Variants in ABCC1 observed in about 807,000 individuals in gnomAD.
ABCC1 encodes multidrug resistance-associated protein 1.
ABCC1 carries 83 observed loss-of-function variants against 172.9 expected under a neutral mutation model. That is an observed-to-expected ratio of 0.48 (90% CI 0.40 to 0.58). The LOEUF is 0.58. ABCC1 is among the 20% of genes least tolerant of loss of function. ABCC1 has a pLI of 0.00. For missense variants in ABCC1, 1,817 were observed against 2,002.7 expected, an observed-to-expected ratio of 0.91 and a Z score of 1.77; for synonymous variants, 937 against 825.2, an observed-to-expected ratio of 1.14 and a Z score of -2.32.
At chr16:15,995,800 TG>T (rs1269227121) in intron 1 of ABCC1, among the ~76,000 whole-genome samples, 1 of 152,042 alleles carries the variant, frequency 6.6e-6, no homozygotes, top group Non-Finnish European at 1.5e-5. Flanking sequence ...CTGGAGTAGC[TG>T]GGACTAAAGG....
chr16:16,136,433 G>A (rs212087), intron 28 of ABCC1, 45 bp from the exon 29 acceptor site: 647,416 of 1,601,180 alleles, frequency 0.4, 133,964 homozygotes, highest in Non-Finnish European at 0.43. Flanking sequence ...CCATGTCAGC[G>A]TGACACAGGT....
At chr16:16,098,352 C>G (rs1172638338) in intron 19 of ABCC1, 1 of 180,244 alleles carries the variant, frequency 5.5e-6, no homozygotes, top group Non-Finnish European at 1.2e-5. Flanking sequence ...GGCATGGTGG[C>G]TCACGCCTGT....
At chr16:16,111,703 GAAA>G in intron 22 of ABCC1, 121 bp downstream of exon 22, 1 of 844,556 alleles carries the variant, frequency 1.2e-6, no homozygotes, top group Admixed American at 2.6e-5. Context: ...GCCAAACCCA[GAAA>G]AATGGTAGCT....
chr16:16,071,378 T>A (rs2050342572), intron 13 of ABCC1, among the ~76,000 whole-genome samples: 1 of 151,996 alleles, frequency 6.6e-6, no homozygotes, highest in Admixed American at 6.6e-5. Context: ...GATTACAGGT[T>A]TGAGCTACCG....
chr16:16,136,277 G>A (rs892365378), intron 28 of ABCC1, among the ~76,000 whole-genome samples: 2 of 152,078 alleles, frequency 1.3e-5, no homozygotes, highest in African/African-American at 4.8e-5. Flanking sequence ...ACTCGCCTCG[G>A]CCTGCCAAAG....
chr16:16,089,797 C>T (rs1330986780), intron 18 of ABCC1, among the ~76,000 whole-genome samples: 1 of 150,784 alleles, frequency 6.6e-6, no homozygotes, highest in Non-Finnish European at 1.5e-5. Context: ...ACGGGAATTG[C>T]TTGAACCCGG....
chr16:16,132,551 T>C (rs1196850535), intron 27 of ABCC1, among the ~76,000 whole-genome samples: 1 of 133,516 alleles, frequency 7.5e-6, no homozygotes, highest in Non-Finnish European at 1.6e-5. Flanking sequence ...AGATGGAGTC[T>C]TACTCTGTTG....
At chr16:15,959,238 G>T (rs1369082090) in intron 1 of ABCC1, among the ~76,000 whole-genome samples, 1 of 152,226 alleles carries the variant, frequency 6.6e-6, no homozygotes, top group Non-Finnish European at 1.5e-5. Flanking sequence ...ACTGAGGGCT[G>T]TGTCTTTTTA....
chr16:15,955,567 C>A (rs759381210), intron 1 of ABCC1, among the ~76,000 whole-genome samples: 1 of 152,156 alleles, frequency 6.6e-6, no homozygotes, highest in Non-Finnish European at 1.5e-5. Context: ...TTCTGTCTCA[C>A]TCTCCTCCAG....
chr16:16,133,535 C>T (rs2045791080), intron 27 of ABCC1, among the ~76,000 whole-genome samples: 1 of 152,146 alleles, frequency 6.6e-6, no homozygotes, highest in African/African-American at 2.4e-5. Flanking sequence ...TCCCGAGTAT[C>T]TGGGACTACA....
chr16:16,023,123 A>C (rs1399484036), intron 5 of ABCC1, among the ~76,000 whole-genome samples: 2 of 152,136 alleles, frequency 1.3e-5, no homozygotes, highest in Non-Finnish European at 2.9e-5. Context: ...TATGTTGCCC[A>C]GTCTGGTCTT....
intron 1 of ABCC1, among the ~76,000 whole-genome samples, chr16:15,997,390 C>T (rs938597649): frequency 1.3e-5 from 2 of 152,190 alleles, no homozygotes; most frequent in Non-Finnish European, 2.9e-5. Flanking sequence ...CGCGCCCAGC[C>T]GACTTGCGCT....
At chr16:16,115,946 A>C (rs1449334214) in intron 23 of ABCC1, among the ~76,000 whole-genome samples, 1 of 150,954 alleles carries the variant, frequency 6.6e-6, no homozygotes, top group Non-Finnish European at 1.5e-5. Context: ...TCTGTCGCCC[A>C]GGCTGGAGTG....
intron 30 of ABCC1, among the ~76,000 whole-genome samples, chr16:16,139,088 G>A (rs1045598885): frequency 6.6e-5 from 10 of 152,184 alleles, no homozygotes; most frequent in African/African-American, 2.2e-4. Context: ...TGGGGACTCT[G>A]TAGGCTGCTG....
intron 1 of ABCC1, among the ~76,000 whole-genome samples, chr16:16,000,392 G>A (rs1048266113): frequency 2.6e-5 from 4 of 151,832 alleles, no homozygotes; most frequent in Non-Finnish European, 5.9e-5. Flanking sequence ...TGATCCACCC[G>A]TGTCGGCCTC....
At chr16:16,011,038 A>G (rs2047757976) in intron 3 of ABCC1, among the ~76,000 whole-genome samples, 1 of 152,206 alleles carries the variant, frequency 6.6e-6, no homozygotes, top group African/African-American at 2.4e-5. Flanking sequence ...ATTTGAGACC[A>G]GTATAGCCAA....
intron 22 of ABCC1, 28 bp from the exon 23 acceptor site, chr16:16,114,738 G>A (rs767623684): frequency 1.9e-6 from 3 of 1,562,672 alleles, no homozygotes; most frequent in Non-Finnish European, 2.6e-6. Context: ...TCTCTGCATT[G>A]TGGAGTTTTA....
chr16:16,021,621 G>A (rs1316973225), intron 5 of ABCC1, among the ~76,000 whole-genome samples: 2 of 152,166 alleles, frequency 1.3e-5, no homozygotes, highest in Non-Finnish European at 2.9e-5. Flanking sequence ...GGAGGCAGAG[G>A]CAGGAGAATT....
intron 9 of ABCC1, among the ~76,000 whole-genome samples, chr16:16,047,781 C>A (rs2049273001): frequency 6.6e-6 from 1 of 151,978 alleles, no homozygotes; most frequent in Non-Finnish European, 1.5e-5. Context: ...ATGCAGAATC[C>A]CAGGCCACAC....
Sources: gnomAD v4.1 joint callset for allele counts (sites outside exome capture counted in the v4.1 genomes callset) on GRCh38, gnomAD v4.1.1 for gene constraint, MANE v1.5 for transcripts, NCBI Gene and HGNC (gene_info 2026-07-23, HGNC 2026-07-21) for gene names.